Variants in CD33 observed in about 807,000 individuals in gnomAD.
CD33 encodes myeloid cell surface antigen CD33.
In CD33, 25 loss-of-function variants were observed where a neutral mutation model predicts 31.4. That is an observed-to-expected ratio of 0.80 (90% CI 0.58 to 1.11). CD33 has a LOEUF of 1.11. Among genes scored for constraint, CD33 ranks in the 50% most tolerant of loss-of-function variants. CD33 has a pLI of 0.00. For synonymous variants in CD33, 176 were observed against 180.6 expected, an observed-to-expected ratio of 0.97 and a Z score of 0.20; for missense variants, 407 against 448.1, an observed-to-expected ratio of 0.91 and a Z score of 0.83.
Position 51,226,075 on chromosome 19 carries a change from G to A in CD33, c.691G>A (p.Val231Ile), listed in dbSNP as rs748041775. ...TACGGAGAGAACCATCCAGCTCAAC[G>A]TCACCTGTAAGTGCTGGGCCAGGAT... ...VTTERTIQLN[V>I]TYVPQNPTTG... Residue 231 changes from valine (V) to isoleucine (I), a missense_variant, in exon 3 of 7, where the codon GTC (valine) becomes ATC (isoleucine). By Grantham distance (29) the Val-to-Ile change is conservative. Transcript: ENST00000262262. The A allele has an allele frequency of 1.5e-5, 25 of 1,613,722 alleles. No individual in the cohort carries two copies. Among genetic ancestry groups the A allele is most frequent in the Middle Eastern group, 1.6e-4 (1 of 6,080 alleles).
chr19:51,226,154 T>G (rs1033100905), intron 3 of CD33, 73 bp downstream of exon 3: 2 of 1,570,198 alleles, frequency 1.3e-6, no homozygotes, highest in East Asian at 2.3e-5. Flanking sequence ...CTGGGGACAT[T>G]TAGTGTCCTG....
chr19:51,218,678 AC>A, the CD33 span, among the ~76,000 whole-genome samples: 453 of 152,220 alleles, frequency 3.0e-3, no homozygotes, highest in African/African-American at 0.01. Flanking sequence ...TAAGTTTTTA[AC>A]CCATCTTGAG....
intron 6 of CD33, chr19:51,237,257 T>C (rs1981864787): frequency 6.6e-6 from 1 of 152,210 alleles, no homozygotes; most frequent in South Asian, 2.1e-4. Context: ...GAAATATCTA[T>C]ATAATCCCAT....
Position 51,225,963 on chromosome 19 carries a change from C to T in CD33, c.579C>T (p.His193=), listed in dbSNP as rs778125971. 3.1e-6 allele frequency: 5 copies of T among 1,614,050 alleles called. No individual in the cohort carries two copies. In the African/African-American group the frequency reaches 5.3e-5, roughly 17 times the overall value. Reference sequence around the variant, plus strand: ...CCTCCCTGGGCCCCAGGACTACTCACTCCTCGGTGCTCATAATCACCCCAC... The same window carrying T: ...CCTCCCTGGGCCCCAGGACTACTCATTCCTCGGTGCTCATAATCACCCCAC... ...APTSLGPRTT[H]SSVLIITPRP... Residue 193 remains histidine (H), a synonymous_variant, in exon 3 of 7, where the codon CAC becomes CAT. Transcript: ENST00000262262.
chr19:51,237,639 T>C (rs890715394), intron 6 of CD33: 1 of 152,142 alleles, frequency 6.6e-6, no homozygotes. Flanking sequence ...TAAGGCAGAG[T>C]TACGTGTTGG....
upstream of CD33, among the ~76,000 whole-genome samples, chr19:51,222,855 A>T (rs952913412): frequency 1.7e-4 from 26 of 152,224 alleles, no homozygotes; most frequent in Admixed American, 1.6e-3. Flanking sequence ...CATTAAAGAA[A>T]CACAGTAAGA....
the CD33 span, among the ~76,000 whole-genome samples, chr19:51,213,909 G>C: frequency 7.7e-6 from 1 of 129,522 alleles, no homozygotes; most frequent in Non-Finnish European, 1.6e-5. Flanking sequence ...GCCCAGGCTT[G>C]ACTGCAGTGG....
chr19:51,224,726 C>A (rs10405012), upstream of CD33, among the ~76,000 whole-genome samples: 1 of 152,100 alleles, frequency 6.6e-6, no homozygotes, highest in African/African-American at 2.4e-5. Flanking sequence ...GGTGAGGCTG[C>A]GACTCGGGCC....
intron 4 of CD33, among the ~76,000 whole-genome samples, chr19:51,226,773 A>T (rs1282737333): frequency 6.6e-6 from 1 of 151,778 alleles, no homozygotes; most frequent in Non-Finnish European, 1.5e-5. Flanking sequence ...TATTATTGTT[A>T]AGCATAGTCA....
At chr19:51,236,081 C>T (rs1158089879) in intron 6 of CD33, 1 of 496,572 alleles carries the variant, frequency 2.0e-6, no homozygotes, top group Non-Finnish European at 3.7e-6. Context: ...TGGTATGAAC[C>T]CGGGAGGCAG....
At chr19:51,224,227 G>T (rs757403079), upstream of CD33, among the ~76,000 whole-genome samples, 5 of 152,152 alleles carry the variant, frequency 3.3e-5, no homozygotes, top group Non-Finnish European at 7.3e-5. Flanking sequence ...AGAGAGAGGT[G>T]TGTGTCTGTA....
chr19:51,214,545 C>T, the CD33 span, among the ~76,000 whole-genome samples: 2 of 152,162 alleles, frequency 1.3e-5, no homozygotes, highest in African/African-American at 4.8e-5. Context: ...GTGTAAGGTA[C>T]ATCATTGTAG....
chr19:51,224,923 G>C, upstream of CD33: 1 of 675,514 alleles, frequency 1.5e-6, no homozygotes, highest in Non-Finnish European at 2.5e-6. Flanking sequence ...CGGGTCTCTG[G>C]CATCTCTGGC....
the CD33 span, among the ~76,000 whole-genome samples, chr19:51,214,197 C>T: frequency 7.7e-4 from 82 of 106,876 alleles, no homozygotes; most frequent in Middle Eastern, 0.014. Flanking sequence ...TGTTTCTTTT[C>T]TTTCTTTTTT....
chr19:51,236,322 A>G (rs1023605849), intron 6 of CD33: 1 of 187,812 alleles, frequency 5.3e-6, no homozygotes, highest in South Asian at 1.1e-4. Context: ...AATGGGCAAG[A>G]CAGGGTAAGC....
the CD33 span, among the ~76,000 whole-genome samples, chr19:51,214,206 T>A: frequency 6.8e-5 from 10 of 146,564 alleles, no homozygotes; most frequent in Admixed American, 6.8e-4. Context: ...TCTTTCTTTT[T>A]TTTTTTTTTT....
chr19:51,211,529 T>C, the CD33 span: 6 of 1,529,686 alleles, frequency 3.9e-6, no homozygotes, highest in Non-Finnish European at 5.3e-6. Flanking sequence ...TTCTTTCGGA[T>C]GGAGAGAGGA....
chr19:51,229,703 GATCCTGTGTATTT>G (rs1423891925), intron 4 of CD33, among the ~76,000 whole-genome samples: 2 of 151,810 alleles, frequency 1.3e-5, no homozygotes, highest in Non-Finnish European at 2.9e-5. Context: ...TAGTGTCTAA[GATCCTGTGTATTT>G]CTGTGGTAAC....
At position 51,225,285 on chromosome 19, in the gene CD33, G is replaced by A. The variant is rs778712589; in HGVS notation, c.105G>A (p.Leu35=). ...VQESVTVQEG[L]CVLVPCTFFH... ...AGTCAGTGACGGTACAGGAGGGTTT[G>A]TGCGTCCTCGTGCCCTGCACTTTCT... The change falls in exon 2 of 7, where the codon TTG becomes TTA. Residue 35 remains leucine, a synonymous_variant. Coordinates refer to ENST00000262262, the MANE Select transcript of CD33 (RefSeq NM_001772.4). The A allele has an allele frequency of 6.2e-7, 1 of 1,614,186 alleles. No individual in the cohort carries two copies. The highest frequency in any genetic ancestry group is 8.5e-7 in the Non-Finnish European group (1 of 1,180,024).
Sources: allele counts gnomAD v4.1 joint callset (sites outside exome capture counted in the v4.1 genomes callset), GRCh38; gene constraint gnomAD v4.1.1; transcripts MANE v1.5; gene names NCBI Gene and HGNC (gene_info 2026-07-23, HGNC 2026-07-21).